The following WASF2 variants were observed in gnomAD, a reference collection of about 807,000 sequenced individuals.
The protein encoded by WASF2 is actin-binding protein WASF2.
In WASF2, 14 loss-of-function variants were observed where a neutral mutation model predicts 45.0. That is an observed-to-expected ratio of 0.31 (90% CI 0.21 to 0.49). The LOEUF (loss-of-function observed/expected upper bound fraction) is 0.49. WASF2 is among the 20% of genes least tolerant of loss of function. The probability of loss-of-function intolerance (pLI) is 0.99; values close to 1 mark genes in which losing one functional copy is unlikely to be tolerated. For synonymous variants in WASF2, 200 were observed against 236.3 expected (o/e 0.85, Z 1.41); for missense variants, 439 against 636.1 (o/e 0.69, Z 3.33).
chr1:27,477,734 C>T (rs910121961), intron 1 of WASF2, among the ~76,000 whole-genome samples: 1 of 130,998 alleles, frequency 7.6e-6, no homozygotes, highest in Non-Finnish European at 1.5e-5. Flanking sequence ...CCCGTCTCTA[C>T]TAAAAATACA....
At chr1:27,481,843 G>C (rs2017854429) in intron 1 of WASF2, among the ~76,000 whole-genome samples, 1 of 152,162 alleles carries the variant, frequency 6.6e-6, no homozygotes, top group Non-Finnish European at 1.5e-5. Context: ...AGCTTGAAAA[G>C]AAATATCACA....
intron 1 of WASF2, among the ~76,000 whole-genome samples, chr1:27,464,452 A>G (rs1333068615): frequency 6.6e-6 from 1 of 152,192 alleles, no homozygotes; most frequent in African/African-American, 2.4e-5. Context: ...GCTGATATGA[A>G]TCTTACAATT....
chr1:27,482,205 C>T (rs1239590238), intron 1 of WASF2, among the ~76,000 whole-genome samples: 1 of 152,122 alleles, frequency 6.6e-6, no homozygotes, highest in African/African-American at 2.4e-5. Flanking sequence ...TTATATTGTA[C>T]AGAGTTGGCC....
intron 1 of WASF2, among the ~76,000 whole-genome samples, chr1:27,467,386 C>T (rs1571157857): frequency 6.7e-6 from 1 of 149,516 alleles, no homozygotes; most frequent in South Asian, 2.1e-4. Context: ...CTGCAAGCTC[C>T]GCCTCCCGGG....
chr1:27,429,790 A>G (rs2017036707), intron 1 of WASF2, among the ~76,000 whole-genome samples: 1 of 152,116 alleles, frequency 6.6e-6, no homozygotes, highest in African/African-American at 2.4e-5. Context: ...AAAAAAAAAA[A>G]AAGTATAGCT....
chr1:27,457,722 G>C (rs1557613888), intron 1 of WASF2, among the ~76,000 whole-genome samples: 1 of 151,572 alleles, frequency 6.6e-6, no homozygotes, highest in Non-Finnish European at 1.5e-5. Flanking sequence ...CTGGGCTCAA[G>C]TGACCCTCTT....
At chr1:27,456,140 A>G (rs2017463129) in intron 1 of WASF2, among the ~76,000 whole-genome samples, 1 of 151,946 alleles carries the variant, frequency 6.6e-6, no homozygotes, top group Admixed American at 6.6e-5. Context: ...GGCTAACACA[A>G]TAAAACCCCA....
rs1333137792 is a variant in WASF2, at chr1:27,405,208, G to A, written c.*2981C>T. 3.3e-5 allele frequency: 5 copies of A among 152,250 alleles called. No individual in the cohort carries two copies. The highest frequency in any genetic ancestry group is 7.2e-5 in the African/African-American group (3 of 41,446). The allele number at this position is 152,250 out of a possible 1,614,324, so 9.4% of individuals were successfully genotyped here. ...CCAGGGTCGTTTCTGAGGGCGCTCG[G>A]GCTTCCACTGGAGGCGAGCTGGAGC... On this transcript the variant is annotated 3_prime_UTR_variant, in exon 9 of 9. Transcript: ENST00000618852.
intron 1 of WASF2, among the ~76,000 whole-genome samples, chr1:27,460,415 T>C (rs1478386531): frequency 6.6e-6 from 1 of 152,218 alleles, no homozygotes; most frequent in Admixed American, 6.5e-5. Context: ...AATGCACCTG[T>C]ATTATGTAAA....
intron 1 of WASF2, among the ~76,000 whole-genome samples, chr1:27,484,811 C>CAAAAAAAAAAAAAAAAA (rs58153446): frequency 9.6e-5 from 12 of 124,506 alleles, no homozygotes; most frequent in Admixed American, 3.1e-4. Flanking sequence ...GACTCTGTCT[C>CAAAAAAAAAAAAAAAAA]AAAAAAAAAA....
intron 1 of WASF2, among the ~76,000 whole-genome samples, chr1:27,472,070 T>C (rs1429688425): frequency 6.6e-6 from 1 of 152,130 alleles, no homozygotes; most frequent in Non-Finnish European, 1.5e-5. Context: ...CGGTGGCTTA[T>C]GCCTGTAATC....
chr1:27,409,038 T>C (rs1169716091), intron 8 of WASF2, among the ~76,000 whole-genome samples: 2 of 150,944 alleles, frequency 1.3e-5, no homozygotes, highest in Non-Finnish European at 3.0e-5. Flanking sequence ...GAGAAACTGA[T>C]GAAAAATGGG....
intron 1 of WASF2, among the ~76,000 whole-genome samples, chr1:27,488,464 TGGA>T (rs1188705906): frequency 2.0e-5 from 3 of 152,092 alleles, no homozygotes; most frequent in African/African-American, 4.8e-5. Flanking sequence ...GGCCCTCTGA[TGGA>T]GGAGAAGAAG....
intron 8 of WASF2, among the ~76,000 whole-genome samples, chr1:27,409,444 A>G (rs1034348023): frequency 4.6e-5 from 7 of 150,710 alleles, no homozygotes; most frequent in Non-Finnish European, 8.9e-5. Flanking sequence ...AAAAAAAAAA[A>G]AAAAAAAAAA....
At chr1:27,415,865 A>T in intron 5 of WASF2, 120 bp downstream of exon 5, 1 of 787,616 alleles carries the variant, frequency 1.3e-6, no homozygotes, top group Non-Finnish European at 2.1e-6. Flanking sequence ...TAAGAGTTTC[A>T]CCTGGCATCC....
Position 27,410,087 on chromosome 1 carries a change from C to T in WASF2, c.944G>A (p.Gly315Glu). The change falls in exon 8 of 9, where the codon GGG (glycine) becomes GAG (glutamate). Residue 315 changes from glycine to glutamate, a missense_variant. By Grantham distance (98) the Gly-to-Glu change is moderately conservative. Transcript: ENST00000618852. The surrounding 1 kb of genome is among the most constrained non-coding windows in gnomAD (Gnocchi z 4.2). ...PLGSPPGPKP[G>E]FAPPPAPPPP... The stretch of plus-strand genomic sequence containing the variant: ...CGGAGGGGCAGGTGGTGGAGCAAAC[C>T]CGGGTTTAGGGCCTGGTGGAGAGCC... 6.2e-7 allele frequency: 1 copy of T among 1,613,186 alleles called. No homozygotes were observed.
intron 1 of WASF2, among the ~76,000 whole-genome samples, chr1:27,452,428 G>A (rs950819577): frequency 3.9e-5 from 6 of 152,276 alleles, no homozygotes; most frequent in East Asian, 3.9e-4. Context: ...CAGGAGAATC[G>A]CTTGAACCAG....
At chr1:27,459,573 A>G (rs920689156) in intron 1 of WASF2, 1 of 152,210 alleles carries the variant, frequency 6.6e-6, no homozygotes, top group Non-Finnish European at 1.5e-5. Flanking sequence ...TATAAAATAT[A>G]CATTATTTTT....
At chr1:27,444,686 G>GA (rs2017289144) in intron 1 of WASF2, among the ~76,000 whole-genome samples, 1 of 152,154 alleles carries the variant, frequency 6.6e-6, no homozygotes, top group Non-Finnish European at 1.5e-5. Context: ...GACAAATACT[G>GA]AAAAAGATGG....
Sources: allele counts gnomAD v4.1 joint callset (sites outside exome capture counted in the v4.1 genomes callset), GRCh38; gene constraint gnomAD v4.1.1; non-coding constraint Gnocchi (gnomAD v3.1); transcripts MANE v1.5; gene names NCBI Gene and HGNC (gene_info 2026-07-23, HGNC 2026-07-21).